Variants in CDH20 observed in about 807,000 individuals in gnomAD.
CDH20 encodes cadherin-20.
Under a neutral mutation model 74.2 loss-of-function variants are expected in CDH20, and 29 were observed. The observed-to-expected ratio is 0.39, with a 90% CI of 0.29 to 0.53. CDH20 has a LOEUF of 0.53. Ranked by LOEUF, CDH20 falls within the 20% of genes least tolerant of loss-of-function variation. The pLI, the probability that CDH20 is intolerant of heterozygous loss-of-function variation, is 0.69. For synonymous variants in CDH20, 469 were observed against 405.4 expected (o/e 1.16, Z -1.88); for missense variants, 988 against 1,048.3 (o/e 0.94, Z 0.79).
chr18:61,409,029 CTG>C (rs1212926576), intron 1 of CDH20, among the ~76,000 whole-genome samples: 4 of 152,182 alleles, frequency 2.6e-5, no homozygotes, highest in Non-Finnish European at 5.9e-5. Flanking sequence ...GCATCTGACT[CTG>C]TATTTTTAAA....
Position 61,554,603 on chromosome 18 carries a change from C to T in CDH20, c.2314C>T (p.Gln772Ter). ...GCAGTCGGCCACGTCGGACTCGGAA[C>T]AGAGCTTCGACTTCCTGACGGACTG... is the stretch of plus-strand genomic sequence containing the variant. The part of the protein sequence containing the change: ...SLQSATSDSE[Q>*]SFDFLTDWGP... Residue 772 changes from glutamine (Q) to a stop codon, truncating the protein, a stop_gained, in exon 12 of 12, where the codon CAG (glutamine) becomes TAG (stop). Coordinates refer to ENST00000262717, the MANE Select transcript of CDH20 (RefSeq NM_031891.4). LOFTEE classifies it high-confidence loss of function. 1 of 1,608,594 alleles carries T rather than the reference C, an allele frequency of 6.2e-7. No individual in the cohort carries two copies. The highest frequency in any genetic ancestry group is 8.5e-7 in the Non-Finnish European group (1 of 1,178,242).
At chr18:61,474,493 C>T (rs1774622728) in intron 1 of CDH20, among the ~76,000 whole-genome samples, 2 of 152,010 alleles carry the variant, frequency 1.3e-5, no homozygotes, top group South Asian at 2.1e-4. Context: ...CGTTGTGTAG[C>T]TCTCAGAAAC....
intron 11 of CDH20, among the ~76,000 whole-genome samples, chr18:61,553,057 T>C (rs747078033): frequency 2.0e-4 from 31 of 152,330 alleles, no homozygotes; most frequent in Non-Finnish European, 3.7e-4. Flanking sequence ...GGGAAAATAT[T>C]ACGTATTAAT....
chr18:61,342,529 T>C (rs1909986624), intron 1 of CDH20, among the ~76,000 whole-genome samples: 2 of 152,226 alleles, frequency 1.3e-5, no homozygotes, highest in Admixed American at 1.3e-4. Context: ...ACATTTTGCC[T>C]GGCAAATTCT....
At chr18:61,374,038 TGA>T (rs1172178134) in intron 1 of CDH20, among the ~76,000 whole-genome samples, 1 of 152,130 alleles carries the variant, frequency 6.6e-6, no homozygotes, top group Non-Finnish European at 1.5e-5. Flanking sequence ...CTCTTCTCTC[TGA>T]GTCTCTCATG....
At chr18:61,376,715 A>G (rs1052228470) in intron 1 of CDH20, among the ~76,000 whole-genome samples, 1 of 152,194 alleles carries the variant, frequency 6.6e-6, no homozygotes, top group African/African-American at 2.4e-5. Flanking sequence ...TATGAGTAAA[A>G]TAAGTTTAGC....
chr18:61,411,168 C>A (rs1423707254), intron 1 of CDH20, among the ~76,000 whole-genome samples: 8 of 150,738 alleles, frequency 5.3e-5, no homozygotes, highest in Non-Finnish European at 1.2e-4. Flanking sequence ...ACTGCACTCC[C>A]GCCTGGGTGA....
rs140317918 is a variant in CDH20, at chr18:61,550,042, C to T, written c.1713C>T (p.His571=). ...GFRQQEQSVF[H]LPILIADSGQ... ...GGCAGCAGGAGCAGAGTGTCTTTCA[C>T]CTGCCTATCCTGATAGCAGATAGCG... Residue 571 remains histidine (H), a synonymous_variant, in exon 11 of 12, where the codon CAC becomes CAT. Transcript: ENST00000262717. 21 of 1,614,126 alleles carry T rather than the reference C, an allele frequency of 1.3e-5. No individual in the cohort carries two copies. Among genetic ancestry groups the T allele is most frequent in the Non-Finnish European group, 1.7e-5 (20 of 1,180,050 alleles).
chr18:61,408,080 A>G (rs770113052), intron 1 of CDH20, among the ~76,000 whole-genome samples: 21 of 152,336 alleles, frequency 1.4e-4, no homozygotes, highest in Non-Finnish European at 2.8e-4. Flanking sequence ...AATCAAAATC[A>G]TTTCAAAATA....
chr18:61,419,976 A>T (rs1232888914), intron 1 of CDH20, among the ~76,000 whole-genome samples: 1 of 152,062 alleles, frequency 6.6e-6, no homozygotes, highest in East Asian at 1.9e-4. Context: ...TGCAATATGT[A>T]CACAAGGTCA....
intron 1 of CDH20, among the ~76,000 whole-genome samples, chr18:61,361,904 A>C (rs1271168665): frequency 6.6e-6 from 1 of 152,186 alleles, no homozygotes; most frequent in Non-Finnish European, 1.5e-5. Flanking sequence ...CAGACCTATA[A>C]TGATTATAAT....
intron 1 of CDH20, among the ~76,000 whole-genome samples, chr18:61,398,976 G>C (rs1912074241): frequency 6.6e-6 from 1 of 152,162 alleles, no homozygotes; most frequent in African/African-American, 2.4e-5. Context: ...TATTTCCCTG[G>C]CCCAAACTTA....
At chr18:61,395,746 T>C (rs1911941825) in intron 1 of CDH20, among the ~76,000 whole-genome samples, 1 of 152,222 alleles carries the variant, frequency 6.6e-6, no homozygotes. Context: ...AAAAATTATA[T>C]GACCTTGGCC....
intron 1 of CDH20, among the ~76,000 whole-genome samples, chr18:61,428,752 G>C (rs1913157016): frequency 6.6e-6 from 1 of 152,214 alleles, no homozygotes; most frequent in Non-Finnish European, 1.5e-5. Context: ...TCCTGAAACA[G>C]ACTTTTCCCT....
intron 2 of CDH20, among the ~76,000 whole-genome samples, chr18:61,493,653 A>T (rs1316452190): frequency 1.3e-5 from 2 of 152,238 alleles, no homozygotes; most frequent in African/African-American, 4.8e-5. Flanking sequence ...TCATCAGGCC[A>T]CATTCAAATT....
In CDH20 at chr18:61,472,516, C is replaced by T. The variant is rs113161329; in HGVS notation, c.-152-17886C>T. On this transcript the variant is annotated intron_variant, in intron 1 of 11. Coordinates refer to ENST00000262717, the MANE Select transcript of CDH20 (RefSeq NM_031891.4). ...GGGAACTCCACCACTCAGGGGCAAG[C>T]TCGGGAAAATGCAAAAATAGCGCAC... Among the ~76,000 whole-genome samples the T allele has an allele frequency of 4.1e-3, 618 of 152,240 alleles. 5 individuals carry two copies. Among genetic ancestry groups the T allele is most frequent in the African/African-American group, 0.014 (583 of 41,534 alleles).
chr18:61,351,874 T>C (rs79039771), intron 1 of CDH20, among the ~76,000 whole-genome samples: 1,787 of 152,290 alleles, frequency 0.012, 34 homozygotes, highest in African/African-American at 0.041. Context: ...TCTCAATACA[T>C]GTTGAGTTAC....
At chr18:61,439,364 C>T (rs976909658) in intron 1 of CDH20, among the ~76,000 whole-genome samples, 1 of 151,990 alleles carries the variant, frequency 6.6e-6, no homozygotes, top group African/African-American at 2.4e-5. Flanking sequence ...TTTTCTGTCA[C>T]CTTTCCAAAT....
chr18:61,460,607 C>T (rs1431424235), intron 1 of CDH20, among the ~76,000 whole-genome samples: 8 of 152,136 alleles, frequency 5.3e-5, no homozygotes, highest in Admixed American at 6.6e-5. Flanking sequence ...AAGTCATACG[C>T]ATGACAGACA....
Sources: allele counts gnomAD v4.1 joint callset (sites outside exome capture counted in the v4.1 genomes callset), GRCh38; gene constraint gnomAD v4.1.1; transcripts MANE v1.5; gene names NCBI Gene and HGNC (gene_info 2026-07-23, HGNC 2026-07-21).